Variants in PCDHA7 observed in about 807,000 individuals in gnomAD.
The protein encoded by PCDHA7 is protocadherin alpha-7.
Under a neutral mutation model 57.2 loss-of-function variants are expected in PCDHA7, and 37 were observed. That is an observed-to-expected ratio of 0.65 (90% CI 0.50 to 0.85). PCDHA7 has a LOEUF of 0.85. Ranked by LOEUF, PCDHA7 falls within the 40% of genes least tolerant of loss-of-function variation. The pLI is 0.00. For synonymous variants in PCDHA7, 553 were observed against 558.8 expected (o/e 0.99, Z 0.15); for missense variants, 1,188 against 1,241.8 (o/e 0.96, Z 0.65).
chr5:140,929,140 C>T, intron 1 of PCDHA7: 1 of 1,614,176 alleles, frequency 6.2e-7, no homozygotes, highest in Non-Finnish European at 8.5e-7. Context: ...AGTTGAGAGA[C>T]TTTCTCAGAC....
intron 1 of PCDHA7, among the ~76,000 whole-genome samples, chr5:140,900,291 T>C (rs1397328670): frequency 6.6e-6 from 1 of 151,992 alleles, no homozygotes; most frequent in East Asian, 2.0e-4. Flanking sequence ...TTCTTTTCTG[T>C]TTTTTTAGAC....
intron 1 of PCDHA7, chr5:140,871,553 G>T (rs1390415919): frequency 6.7e-7 from 1 of 1,491,208 alleles, no homozygotes; most frequent in East Asian, 2.5e-5. Context: ...TTAAAATCCA[G>T]TTTTTTTTCA....
At chr5:140,877,172 C>A (rs371577720) in intron 1 of PCDHA7, 1 of 1,613,818 alleles carries the variant, frequency 6.2e-7, no homozygotes. Flanking sequence ...GCACTGCTGG[C>A]GACTCCGGCT....
chr5:140,852,246 C>T, intron 1 of PCDHA7: 3 of 546,236 alleles, frequency 5.5e-6, no homozygotes, highest in South Asian at 1.6e-4. Flanking sequence ...TTAAAACACA[C>T]TTTTGGAATA....
intron 1 of PCDHA7, chr5:140,863,119 A>T: frequency 1.7e-6 from 1 of 591,284 alleles, no homozygotes; most frequent in Non-Finnish European, 3.3e-6. Context: ...GGCGAAAGCT[A>T]CGCGCCACCG....
At chr5:140,850,698 GGC>G in intron 1 of PCDHA7, 1 of 1,598,220 alleles carries the variant, frequency 6.3e-7, no homozygotes, top group Non-Finnish European at 8.6e-7. Context: ...GTGCGCGCCT[GGC>G]AAGCCGACGC....
intron 1 of PCDHA7, among the ~76,000 whole-genome samples, chr5:140,917,503 T>G (rs1423295268): frequency 6.6e-6 from 1 of 152,208 alleles, no homozygotes; most frequent in African/African-American, 2.4e-5. Flanking sequence ...AGAATGATAT[T>G]TTCTAGGTTT....
In PCDHA7 at chr5:141,007,395, CAAAAAAAAA is replaced by C. The variant is rs35800918; in HGVS notation, c.2504-2217_2504-2209del. 1.6e-4 allele frequency among the ~76,000 whole-genome samples: 15 copies of C among 94,844 alleles called. No individual in the cohort carries two copies. The East Asian group carries it at 2.4e-3, about 15-fold the overall frequency. The allele number at this position is 94,844 out of a possible 152,430, so 62.2% of individuals were successfully genotyped here. A position where few individuals can be genotyped will look rare whatever the true frequency, so the allele number is the denominator to read the frequency against. On this transcript the variant is annotated intron_variant, in intron 3 of 3. Transcript: ENST00000525929. The stretch of plus-strand genomic sequence containing the variant: ...ATGGAACACCATCTCTACTAAAATA[CAAAAAAAAA>C]AAAAAAAAAAAAAATTAGCCAGGCA...
intron 3 of PCDHA7, among the ~76,000 whole-genome samples, chr5:141,002,678 C>T (rs1361402849): frequency 6.6e-6 from 1 of 152,136 alleles, no homozygotes; most frequent in Non-Finnish European, 1.5e-5. Context: ...AAAACCTATA[C>T]GACGTGCAGA....
chr5:140,843,112 G>T lies in PCDHA7; in HGVS notation c.2355+6374G>T, dbSNP rs1581030644. 3.1e-6 allele frequency: 5 copies of T among 1,595,864 alleles called. 1 individual carries two copies. The highest frequency in any genetic ancestry group is 1.7e-4 in the Middle Eastern group (1 of 5,904). On this transcript the variant is annotated intron_variant, in intron 1 of 3. Coordinates refer to ENST00000525929, the MANE Select transcript of PCDHA7 (RefSeq NM_018910.3). Reference sequence around the variant, plus strand: ...ACGTGGTAGCGAAGGTGCGCGCAGTGGACGCCGACTCGGGCTACAACGCGT... The same window carrying T: ...ACGTGGTAGCGAAGGTGCGCGCAGTTGACGCCGACTCGGGCTACAACGCGT...
At chr5:140,936,124 C>T (rs2090779585) in intron 1 of PCDHA7, among the ~76,000 whole-genome samples, 1 of 152,130 alleles carries the variant, frequency 6.6e-6, no homozygotes, top group African/African-American at 2.4e-5. Context: ...AACTCCTGAC[C>T]TTAAGTGATC....
chr5:140,837,119 A>G (rs1472811224), intron 1 of PCDHA7: 1 of 156,890 alleles, frequency 6.4e-6, no homozygotes, highest in Non-Finnish European at 1.4e-5. Flanking sequence ...ATGTTACCTA[A>G]TATTTTATTC....
chr5:140,980,978 C>T (rs1482749121), intron 2 of PCDHA7, among the ~76,000 whole-genome samples: 1 of 152,032 alleles, frequency 6.6e-6, no homozygotes, highest in South Asian at 2.1e-4. Flanking sequence ...TCTGACTGAG[C>T]CCACACAATT....
At chr5:140,909,378 C>T (rs544117185) in intron 1 of PCDHA7, among the ~76,000 whole-genome samples, 1 of 152,264 alleles carries the variant, frequency 6.6e-6, no homozygotes, top group Admixed American at 6.5e-5. Context: ...GCAATGAAAC[C>T]ACATCTAGTA....
At chr5:140,971,743 A>G (rs979953004) in intron 1 of PCDHA7, among the ~76,000 whole-genome samples, 1 of 151,474 alleles carries the variant, frequency 6.6e-6, no homozygotes, top group African/African-American at 2.4e-5. Flanking sequence ...ACACATACAT[A>G]TATCTCATAT....
intron 3 of PCDHA7, 66 bp from the exon 4 acceptor site, chr5:141,009,561 A>C: frequency 6.4e-7 from 1 of 1,571,278 alleles, no homozygotes; most frequent in Non-Finnish European, 8.6e-7. Context: ...CCTGTACTCT[A>C]CCAGCAGTGT....
In PCDHA7 at chr5:140,894,570, T is replaced by G. The variant is rs558111947; in HGVS notation, c.2355+57832T>G. ...TTTACTTCTGAAAAAATTATTTTCC[T>G]TTTTTTTAATATTTTACTGAGTTTT... On this transcript the variant is annotated intron_variant, in intron 1 of 3. Coordinates refer to ENST00000525929, the MANE Select transcript of PCDHA7 (RefSeq NM_018910.3). Among the ~76,000 whole-genome samples the G allele has an allele frequency of 1.5e-4, 23 of 151,856 alleles. No individual in the cohort carries two copies. The South Asian group carries it at 4.4e-3, about 29-fold the overall frequency.
chr5:140,961,037 A>C (rs1222978592), intron 1 of PCDHA7, among the ~76,000 whole-genome samples: 2 of 152,188 alleles, frequency 1.3e-5, no homozygotes, highest in African/African-American at 4.8e-5. Flanking sequence ...CCTTGTTTTG[A>C]GTCATTAACA....
intron 1 of PCDHA7, chr5:140,883,598 G>A: frequency 6.2e-7 from 1 of 1,614,008 alleles, no homozygotes; most frequent in Middle Eastern, 1.7e-4. Context: ...CGTGTCGGTG[G>A]GGGTGGCCGA....
Sources: gnomAD v4.1 joint callset for allele counts (sites outside exome capture counted in the v4.1 genomes callset) on GRCh38, gnomAD v4.1.1 for gene constraint, MANE v1.5 for transcripts, NCBI Gene and HGNC (gene_info 2026-07-23, HGNC 2026-07-21) for gene names.